Variants in PDS5A observed in about 807,000 individuals in gnomAD.
PDS5A encodes the protein sister chromatid cohesion protein PDS5 homolog A.
A neutral mutation model predicts 167.1 loss-of-function variants in PDS5A; 42 were observed. The ratio of observed to expected loss-of-function variants is 0.25; its 90% CI spans 0.20 to 0.33. The LOEUF (loss-of-function observed/expected upper bound fraction) is 0.33. Among genes scored for constraint, PDS5A ranks in the 10% least tolerant of loss-of-function variants. The probability of loss-of-function intolerance (pLI) is 1.00; values close to 1 mark genes in which losing one functional copy is unlikely to be tolerated. For synonymous variants in PDS5A, 553 were observed against 554.6 expected (o/e 1.00, Z 0.04); for missense variants, 1,033 against 1,605.9 (o/e 0.64, Z 6.10).
At chr4:39,970,728 A>G (rs534205003) in intron 2 of PDS5A, among the ~76,000 whole-genome samples, 13 of 150,972 alleles carry the variant, frequency 8.6e-5, no homozygotes, top group Non-Finnish European at 1.3e-4. Flanking sequence ...AGGAGGTTCC[A>G]GAATTTCCTT....
intron 16 of PDS5A, among the ~76,000 whole-genome samples, chr4:39,890,630 T>C (rs537171579): frequency 6.6e-6 from 1 of 152,302 alleles, no homozygotes; most frequent in Non-Finnish European, 1.5e-5. Flanking sequence ...GCAACTTTTT[T>C]TTTTTTGAGA....
rs1333274095 is a variant in PDS5A, at chr4:39,852,975, T to C, written c.3087-3323A>G. Among the ~76,000 whole-genome samples the C allele has an allele frequency of 2.6e-5, 4 of 152,292 alleles. No homozygotes were observed. In the East Asian group the frequency reaches 7.7e-4, roughly 29 times the overall value. On this transcript the variant is annotated intron_variant, in intron 26 of 32. Transcript: ENST00000303538. Reference sequence around the variant, plus strand: ...TTAATCTTTAGAAATTGTTCGCCTGTGAAATTATAAATTCACTGCAGCCTA... The same window carrying C: ...TTAATCTTTAGAAATTGTTCGCCTGCGAAATTATAAATTCACTGCAGCCTA...
intron 21 of PDS5A, among the ~76,000 whole-genome samples, chr4:39,872,465 T>C (rs112520445): frequency 2.6e-4 from 40 of 151,968 alleles, no homozygotes; most frequent in African/African-American, 9.2e-4. Context: ...AGGAGTTCAA[T>C]ATAAGCCTGG....
At chr4:39,896,446 T>G (rs949076961) in intron 16 of PDS5A, among the ~76,000 whole-genome samples, 3 of 151,432 alleles carry the variant, frequency 2.0e-5, no homozygotes, top group African/African-American at 7.3e-5. Flanking sequence ...TTTCCTTATA[T>G]CCTTATTCTA....
intron 2 of PDS5A, among the ~76,000 whole-genome samples, chr4:39,966,772 TGG>T (rs1730001004): frequency 6.6e-6 from 1 of 151,886 alleles, no homozygotes; most frequent in Admixed American, 6.6e-5. Context: ...CCAAGCTGGG[TGG>T]ATCACTTGAG....
chr4:39,958,184 G>A (rs759660078), intron 2 of PDS5A, among the ~76,000 whole-genome samples: 5 of 151,974 alleles, frequency 3.3e-5, no homozygotes, highest in Non-Finnish European at 7.4e-5. Flanking sequence ...GAGGCACCAC[G>A]CCCAGCCAGG....
At chr4:39,934,653 T>C (rs1315648492) in intron 2 of PDS5A, among the ~76,000 whole-genome samples, 1 of 147,904 alleles carries the variant, frequency 6.8e-6, no homozygotes, top group Admixed American at 6.9e-5. Flanking sequence ...CAGGAAAAAA[T>C]CAAACTAAGT....
At chr4:39,900,586 A>G in intron 13 of PDS5A, 79 bp from the exon 14 acceptor site, 1 of 853,918 alleles carries the variant, frequency 1.2e-6, no homozygotes, top group Non-Finnish European at 1.9e-6. Flanking sequence ...TTCTTGTTGC[A>G]TGCTGTATAT....
chr4:39,890,115 A>T, intron 17 of PDS5A, 134 bp downstream of exon 17: 1 of 486,678 alleles, frequency 2.1e-6, no homozygotes, highest in Non-Finnish European at 3.6e-6. Flanking sequence ...TTCAACTTGA[A>T]TGATGTACAA....
At chr4:39,873,516 G>C (rs2109575066) in intron 20 of PDS5A, among the ~76,000 whole-genome samples, 1 of 152,210 alleles carries the variant, frequency 6.6e-6, no homozygotes, top group East Asian at 1.9e-4. Context: ...ATCATACAAA[G>C]TAAGAGTTCA....
chr4:39,929,519 CTATATATA>C (rs58069502), intron 2 of PDS5A, among the ~76,000 whole-genome samples: 8,447 of 79,124 alleles, frequency 0.11, 518 homozygotes, highest in Non-Finnish European at 0.13. Flanking sequence ...ACTTAATAAA[CTATATATA>C]TATATATATA....
chr4:39,935,299 T>C (rs989946093), intron 2 of PDS5A, among the ~76,000 whole-genome samples: 8 of 152,206 alleles, frequency 5.3e-5, no homozygotes, highest in African/African-American at 1.9e-4. Flanking sequence ...GGTTTTGCCA[T>C]GTTGGCCAGG....
intron 2 of PDS5A, among the ~76,000 whole-genome samples, chr4:39,962,341 C>G: frequency 6.6e-6 from 1 of 152,040 alleles, no homozygotes; most frequent in Non-Finnish European, 1.5e-5. Flanking sequence ...CAGGCGTAAG[C>G]CACCGCGCCC....
intron 26 of PDS5A, among the ~76,000 whole-genome samples, chr4:39,860,079 A>AG (rs1207760741): frequency 1.3e-5 from 2 of 152,050 alleles, no homozygotes; most frequent in South Asian, 2.1e-4. Context: ...ATAAAGAGAG[A>AG]GAAAAAAAAA....
chr4:39,909,040 A>AAAAATAAAAT (rs59403675), intron 10 of PDS5A, among the ~76,000 whole-genome samples: 13,042 of 125,924 alleles, frequency 0.1, 1,072 homozygotes, highest in Admixed American at 0.19. Context: ...CCCTGTATCA[A>AAAAATAAAAT]AAAATAAAAT....
At chr4:39,839,852 T>G (rs1030788693) in intron 31 of PDS5A, among the ~76,000 whole-genome samples, 5 of 151,812 alleles carry the variant, frequency 3.3e-5, no homozygotes, top group Non-Finnish European at 7.4e-5. Flanking sequence ...TTCCAGCACT[T>G]TGGGAGGCCA....
chr4:39,839,523 C>G (rs1178892729), intron 31 of PDS5A, among the ~76,000 whole-genome samples: 1 of 151,084 alleles, frequency 6.6e-6, no homozygotes, highest in Admixed American at 6.6e-5. Context: ...AAGCCGAGAT[C>G]GCGCCACTGC....
At chr4:39,951,331 G>A (rs1175305959) in intron 2 of PDS5A, among the ~76,000 whole-genome samples, 1 of 152,114 alleles carries the variant, frequency 6.6e-6, no homozygotes, top group Non-Finnish European at 1.5e-5. Context: ...GCATACATGG[G>A]GGCTGTGATA....
At chr4:39,976,177 T>C (rs1226774099) in intron 2 of PDS5A, 2 of 263,480 alleles carry the variant, frequency 7.6e-6, no homozygotes, top group African/African-American at 2.2e-5. Flanking sequence ...ATTAAATACC[T>C]CCAGAAAAAA....
Sources: gnomAD v4.1 joint callset for allele counts (sites outside exome capture counted in the v4.1 genomes callset) on GRCh38, gnomAD v4.1.1 for gene constraint, MANE v1.5 for transcripts, NCBI Gene and HGNC (gene_info 2026-07-23, HGNC 2026-07-21) for gene names.